Variants in SSR3 observed in about 807,000 individuals in gnomAD.
SSR3 encodes signal sequence receptor subunit 3, also known as translocon-associated protein subunit gamma.
In SSR3, 10 loss-of-function variants were observed where a neutral mutation model predicts 22.1. The observed-to-expected ratio is 0.45, with a 90% confidence interval of 0.28 to 0.77. The LOEUF is 0.77. SSR3 is among the 30% of genes least tolerant of loss of function. The pLI, the probability that SSR3 is intolerant of heterozygous loss-of-function variation, is 0.13. For synonymous variants in SSR3, 104 were observed against 82.5 expected (o/e 1.26, Z -1.42); for missense variants, 181 against 220.5 (o/e 0.82, Z 1.13).
Position 156,553,795 on chromosome 3 carries a change from A to G in SSR3, c.134-14T>C, listed in dbSNP as rs1720050919. The G allele has an allele frequency of 6.3e-7, 1 of 1,585,922 alleles. No homozygotes were observed. ...GCCAGTATAACCCTGAATTAAAATA[A>G]AAGGGGGAAGGGTACAAAAAGAAGC... On this transcript the variant is annotated splice_polypyrimidine_tract_variant and intron_variant, in intron 1 of 4. Coordinates refer to ENST00000265044, the MANE Select transcript of SSR3 (RefSeq NM_007107.5).
chr3:156,547,738 C>A (rs954119117), intron 3 of SSR3, among the ~76,000 whole-genome samples: 7 of 152,066 alleles, frequency 4.6e-5, no homozygotes, highest in Admixed American at 4.6e-4. Context: ...ACTCAGTGTC[C>A]CTTAAATAAG....
chr3:156,554,860 G>C, intron 1 of SSR3, 97 bp downstream of exon 1: 1 of 1,487,490 alleles, frequency 6.7e-7, no homozygotes, highest in South Asian at 1.3e-5. Flanking sequence ...ACCCCCGGCC[G>C]GCACCCACGC....
chr3:156,548,419 A>G (rs1453783402), intron 3 of SSR3, among the ~76,000 whole-genome samples: 1 of 152,232 alleles, frequency 6.6e-6, no homozygotes, highest in Non-Finnish European at 1.5e-5. Flanking sequence ...GCTAACACAT[A>G]AACCCTTCAG....
At chr3:156,550,038 CAG>C (rs1390863064) in intron 2 of SSR3, among the ~76,000 whole-genome samples, 3 of 152,182 alleles carry the variant, frequency 2.0e-5, no homozygotes, top group Non-Finnish European at 4.4e-5. Flanking sequence ...GCTCCAAAGG[CAG>C]AGATTCTTCT....
At position 156,540,165 on chromosome 3, in the gene SSR3, CATACTT is replaced by C. The variant is rs1719385094; in HGVS notation, c.*3032_*3037del. ...CAAATTTTAAGAAGCAAAGTTTAAT[CATACTT>C]ATTAAGCAAGACTTTTCACAAGAAT... On this transcript the variant is annotated 3_prime_UTR_variant, in exon 5 of 5. Transcript: ENST00000265044. The C allele has an allele frequency of 6.6e-6, 1 of 151,516 alleles. No homozygotes were observed. The highest frequency in any genetic ancestry group is 2.0e-4 in the East Asian group (1 of 5,096). The allele number at this position is 151,516 out of a possible 1,614,324, so 9.4% of individuals were successfully genotyped here.
chr3:156,548,799 A>G lies in SSR3; in HGVS notation c.359+106T>C, dbSNP rs538917339. The G allele has an allele frequency of 6.2e-5, 89 of 1,447,100 alleles. No homozygotes were observed. The East Asian group carries it at 2.1e-3, about 34-fold the overall frequency. 89.6% of individuals were successfully genotyped at this position (1,447,100 alleles called of 1,614,324 possible). A position where few individuals can be genotyped will look rare whatever the true frequency, so the allele number is the denominator to read the frequency against. ...TTACTACTACTACTACAATTCCAAA[A>G]TTTACCTCAGACAATTCCAAAATCC... On this transcript the variant is annotated intron_variant, in intron 3 of 4. Coordinates refer to ENST00000265044, the MANE Select transcript of SSR3 (RefSeq NM_007107.5).
At chr3:156,553,543 T>C in intron 2 of SSR3, 112 bp downstream of exon 2, 2 of 1,077,202 alleles carry the variant, frequency 1.9e-6, no homozygotes, top group Non-Finnish European at 2.6e-6. Context: ...TGTTTATTAA[T>C]ATATATATCT....
chr3:156,549,740 AG>A (rs1412802482), intron 2 of SSR3, among the ~76,000 whole-genome samples: 1 of 152,226 alleles, frequency 6.6e-6, no homozygotes, highest in Non-Finnish European at 1.5e-5. Context: ...ATTTTTTAAA[AG>A]GTTTACAAAG....
intron 1 of SSR3, 170 bp from the exon 2 acceptor site, chr3:156,553,951 T>C (rs746110555): frequency 2.0e-5 from 11 of 559,366 alleles, no homozygotes; most frequent in African/African-American, 3.9e-5. Context: ...AGTAACAGTA[T>C]AGTCTCAAGC....
At chr3:156,554,496 T>G (rs1048419745) in intron 1 of SSR3, among the ~76,000 whole-genome samples, 1 of 152,228 alleles carries the variant, frequency 6.6e-6, no homozygotes, top group Non-Finnish European at 1.5e-5. Flanking sequence ...TATGCAATGG[T>G]GTGAAGTAGC....
chr3:156,549,800 G>GA (rs1285094415), intron 2 of SSR3, among the ~76,000 whole-genome samples: 1 of 151,612 alleles, frequency 6.6e-6, no homozygotes, highest in Admixed American at 6.6e-5. Context: ...CTGGAAAGAG[G>GA]AAAAAATAGT....
intron 3 of SSR3, among the ~76,000 whole-genome samples, chr3:156,547,124 C>G (rs1719793500): frequency 6.6e-6 from 1 of 152,070 alleles, no homozygotes; most frequent in Non-Finnish European, 1.5e-5. Context: ...CAAATTTCTA[C>G]CAATGAAAAG....
intron 2 of SSR3, among the ~76,000 whole-genome samples, chr3:156,552,024 G>T (rs1361269813): frequency 6.6e-6 from 1 of 152,154 alleles, no homozygotes; most frequent in Admixed American, 6.6e-5. Context: ...GCCATGGCTG[G>T]ACACGGCAGC....
At chr3:156,543,478 T>A (rs1469304162) in intron 4 of SSR3, among the ~76,000 whole-genome samples, 3 of 151,864 alleles carry the variant, frequency 2.0e-5, no homozygotes, top group Non-Finnish European at 4.4e-5. Context: ...TGTTCCAATT[T>A]AAAAAAAACA....
intron 2 of SSR3, among the ~76,000 whole-genome samples, chr3:156,550,568 T>C (rs1168925382): frequency 6.6e-6 from 1 of 152,156 alleles, no homozygotes. Flanking sequence ...TAAAACAAAA[T>C]AGAGGTCACG....
intron 1 of SSR3, chr3:156,554,733 G>A: frequency 1.8e-6 from 1 of 570,314 alleles, no homozygotes; most frequent in South Asian, 2.3e-5. Context: ...GGGAACGTGC[G>A]TACTTTTAAC....
At chr3:156,544,145 C>G in intron 4 of SSR3, 163 bp downstream of exon 4, 1 of 478,820 alleles carries the variant, frequency 2.1e-6, no homozygotes, top group Non-Finnish European at 3.5e-6. Flanking sequence ...AAACCAATAG[C>G]TGTTATTTTA....
chr3:156,546,904 T>C (rs1407201389), intron 3 of SSR3, among the ~76,000 whole-genome samples: 1 of 152,216 alleles, frequency 6.6e-6, no homozygotes, highest in Non-Finnish European at 1.5e-5. Context: ...ATGGAGTATA[T>C]ATTCCAAATG....
chr3:156,554,518 T>TGCA (rs1272558757), intron 1 of SSR3, among the ~76,000 whole-genome samples: 1 of 152,222 alleles, frequency 6.6e-6, no homozygotes, highest in Admixed American at 6.5e-5. Context: ...CACGTAAAGA[T>TGCA]GCACTTATAA....
Sources: allele counts gnomAD v4.1 joint callset (sites outside exome capture counted in the v4.1 genomes callset), GRCh38; gene constraint gnomAD v4.1.1; transcripts MANE v1.5; gene names NCBI Gene and HGNC (gene_info 2026-07-23, HGNC 2026-07-21).